Variants in CACNB3 observed in about 807,000 individuals in gnomAD.
CACNB3 encodes voltage-dependent L-type calcium channel subunit beta-3.
A neutral mutation model predicts 63.7 loss-of-function variants in CACNB3; 36 were observed. The ratio of observed to expected loss-of-function variants is 0.57; its 90% CI spans 0.43 to 0.75. The LOEUF (loss-of-function observed/expected upper bound fraction) is 0.75. CACNB3 is among the 30% of genes least tolerant of loss of function. The pLI, the probability that CACNB3 is intolerant of heterozygous loss-of-function variation, is 0.00. For synonymous variants in CACNB3, 241 were observed against 250.6 expected (o/e 0.96, Z 0.36); for missense variants, 493 against 648.6 (o/e 0.76, Z 2.61).
In CACNB3 at chr12:48,820,008, C is replaced by T. The variant is rs78128982; in HGVS notation, c.45+1034C>T. On this transcript the variant is annotated intron_variant, in intron 1 of 12. Transcript: ENST00000301050. ...GAAGGGGCCCCAATAGGTTGGAGCACCCCTGGGTCGGAAAGAGGAGTTCAT... is the reference window on the plus strand; with the variant it reads ...GAAGGGGCCCCAATAGGTTGGAGCATCCCTGGGTCGGAAAGAGGAGTTCAT... 6.6e-3 allele frequency: 1,330 copies of T among 202,304 alleles called. 12 individuals carry two copies. Among genetic ancestry groups the T allele is most frequent in the Non-Finnish European group, 0.012 (1,115 of 96,564 alleles). The allele number at this position is 202,304 out of a possible 1,614,324, so 12.5% of individuals were successfully genotyped here. A position where few individuals can be genotyped will look rare whatever the true frequency, so the allele number is the denominator to read the frequency against.
chr12:48,814,916 T>G, upstream of CACNB3: 3 of 225,294 alleles, frequency 1.3e-5, no homozygotes, highest in Non-Finnish European at 1.7e-5. This position sits in a 1 kb window ranked among gnomAD's most constrained non-coding sequence, Gnocchi z 6.9. Flanking sequence ...GCCCTTCCCC[T>G]TCGCGGAGCT....
rs754741655 is a variant in CACNB3, at chr12:48,825,187, G to T, written c.517G>T (p.Val173Leu). 1 of 1,614,106 alleles carries T rather than the reference G, an allele frequency of 6.2e-7. No homozygotes were observed. Among genetic ancestry groups the T allele is most frequent in the South Asian group, 1.1e-5 (1 of 91,082 alleles). Residue 173 changes from valine to leucine, a missense_variant, in exon 7 of 13, where the codon GTG becomes TTG. Transcript: ENST00000301050. This position sits in a 1 kb window ranked among gnomAD's most constrained non-coding sequence, Gnocchi z 4.5. ...GGCGGAACATGTTCCCCCATATGAC[G>T]TGGTGCCCTCCATGCGGCCTGTGGT... ...KQAEHVPPYDVVPSMRPVVLV... is the reference protein window; with the variant it reads ...KQAEHVPPYDLVPSMRPVVLV...
chr12:48,825,173 T>C lies in CACNB3; in HGVS notation c.503T>C (p.Val168Ala). 1 of 1,614,020 alleles carries C rather than the reference T, an allele frequency of 6.2e-7. No homozygotes were observed. The highest frequency in any genetic ancestry group is 8.5e-7 in the Non-Finnish European group (1 of 1,179,986). Residue 168 changes from valine to alanine, a missense_variant, in exon 7 of 13, where the codon GTT becomes GCT. Val to Ala is a moderately conservative substitution (Grantham distance 64). Transcript: ENST00000301050. This position sits in a 1 kb window ranked among gnomAD's most constrained non-coding sequence, Gnocchi z 4.5. ...ATGTCCATTCTGCAGGCGGAACATGTTCCCCCATATGACGTGGTGCCCTCC... is the reference window on the plus strand; with the variant it reads ...ATGTCCATTCTGCAGGCGGAACATGCTCCCCCATATGACGTGGTGCCCTCC... ...AKQKQKQAEH[V>A]PPYDVVPSMR...
At chr12:48,819,695 C>T (rs1278080858) in intron 1 of CACNB3, 1 of 455,712 alleles carries the variant, frequency 2.2e-6, no homozygotes, top group Non-Finnish European at 4.4e-6. Context: ...CATGGAGGGC[C>T]TGGAGGTGAG....
chr12:48,824,178 G>A (rs1005338473), intron 3 of CACNB3, 80 bp from the exon 4 acceptor site: 61 of 1,164,766 alleles, frequency 5.2e-5, no homozygotes, highest in Non-Finnish European at 7.0e-5. Flanking sequence ...TGACTGCCTC[G>A]CTGGCTCCTT....
At position 48,824,250 on chromosome 12, in the gene CACNB3, G is replaced by T. The variant is rs1938000097; in HGVS notation, c.292-8G>T. ...CTCACCACCCCTTCCTGCTCCACCT[G>T]CCCCCAGAAGTACAGCAATGACTGG... On this transcript the variant is annotated splice_polypyrimidine_tract_variant and splice_region_variant and intron_variant, in intron 3 of 12. Coordinates refer to ENST00000301050, the MANE Select transcript of CACNB3 (RefSeq NM_000725.4). The T allele has an allele frequency of 6.2e-7, 1 of 1,607,586 alleles. No homozygotes were observed.
Position 48,827,110 on chromosome 12 carries a change from T to A in CACNB3, c.1127T>A (p.Ile376Asn). The A allele has an allele frequency of 6.2e-7, 1 of 1,612,480 alleles. No homozygotes were observed. The highest frequency in any genetic ancestry group is 8.5e-7 in the Non-Finnish European group (1 of 1,179,996). ...GPGLLGPPSA[I>N]PGLQNQQLLG... ...GGACTTCTGGGTCCTCCCAGTGCCA[T>A]CCCCGGACTTCAGGTAACCATTTCC... Residue 376 changes from isoleucine to asparagine, a missense_variant, in exon 12 of 13, where the codon ATC (isoleucine) becomes AAC (asparagine). Ile to Asn is a moderately radical substitution (Grantham distance 149). Coordinates refer to ENST00000301050, the MANE Select transcript of CACNB3 (RefSeq NM_000725.4).
chr12:48,816,720 T>C (rs551912876), upstream of CACNB3, among the ~76,000 whole-genome samples: 1 of 151,772 alleles, frequency 6.6e-6, no homozygotes, highest in Non-Finnish European at 1.5e-5. Flanking sequence ...TTACAAGGAG[T>C]GTGAGGAAGG....
rs1360869012 is a variant in CACNB3 at position 48,828,246 on chromosome 12, G to C, written c.*347G>C. The C allele has an allele frequency of 2.7e-6, 1 of 375,862 alleles. No homozygotes were observed. The highest frequency in any genetic ancestry group is 2.0e-5 in the African/African-American group (1 of 48,958). 23.3% of individuals were successfully genotyped at this position (375,862 alleles called of 1,614,324 possible). On this transcript the variant is annotated 3_prime_UTR_variant, in exon 13 of 13. Coordinates refer to ENST00000301050, the MANE Select transcript of CACNB3 (RefSeq NM_000725.4). ...GGTCCTTCCCACCAGACTCAGGGAA[G>C]GGATGCCCCATTAAAGTGACAAAAG...
At chr12:48,817,398 TC>T (rs2137434905), upstream of CACNB3, 1 of 152,272 alleles carries the variant, frequency 6.6e-6, no homozygotes, top group East Asian at 1.9e-4. Context: ...ATTGCTGAAC[TC>T]CCGGGTGTGA....
In CACNB3 at chr12:48,826,475, C is replaced by T. The variant is rs1431691631; in HGVS notation, c.851C>T (p.Ser284Leu). The T allele has an allele frequency of 6.8e-6, 11 of 1,614,024 alleles. No individual in the cohort carries two copies. Among genetic ancestry groups the T allele is most frequent in the Admixed American group, 5.0e-5 (3 of 60,000 alleles). ...CACCCAGCACAGCTGGCCAAGACCT[C>T]GCTGGCCCCCATCATCGTCTTTGTC... ...INHPAQLAKT[S>L]LAPIIVFVKV... is the part of the protein sequence containing the mutation. The change falls in exon 10 of 13, where the codon TCG (serine) becomes TTG (leucine). Residue 284 changes from serine (S) to leucine (L), a missense_variant. By Grantham distance (145) the Ser-to-Leu change is moderately radical. Coordinates refer to ENST00000301050, the MANE Select transcript of CACNB3 (RefSeq NM_000725.4). This position sits in a 1 kb window ranked among gnomAD's most constrained non-coding sequence, Gnocchi z 4.8.
intron 12 of CACNB3, 73 bp from the exon 13 acceptor site, chr12:48,827,512 A>C: frequency 7.5e-7 from 1 of 1,340,752 alleles, no homozygotes; most frequent in Non-Finnish European, 1.0e-6. Context: ...TGAGGGGGGA[A>C]GAATCTCGCA....
rs373467806 is a variant in CACNB3, at chr12:48,825,004, T to C, written c.492+36T>C. 1,220 of 1,595,328 alleles carry C rather than the reference T, an allele frequency of 7.6e-4. No homozygotes were observed. Among genetic ancestry groups the C allele is most frequent in the Non-Finnish European group, 1.0e-3 (1,181 of 1,174,018 alleles). On this transcript the variant is annotated intron_variant, in intron 6 of 12. Coordinates refer to ENST00000301050, the MANE Select transcript of CACNB3 (RefSeq NM_000725.4). This position sits in a 1 kb window ranked among gnomAD's most constrained non-coding sequence, Gnocchi z 4.5. ...GAAGGGACCTGGGCTGGGGGGATCA[T>C]GGCTTATGGCTCTGGGGACAGTGTT...
chr12:48,826,335 C>T lies in CACNB3; in HGVS notation c.743-32C>T. On this transcript the variant is annotated intron_variant, in intron 9 of 12. Coordinates refer to ENST00000301050, the MANE Select transcript of CACNB3 (RefSeq NM_000725.4). The surrounding 1 kb of genome is among the most constrained non-coding windows in gnomAD (Gnocchi z 4.8). Reference sequence around the variant, plus strand: ...CTGGAGTGAGCAGTGGGCAGAGCTCCTGGTGAGCACTGCTGCTGCCTCCCT... The same window carrying T: ...CTGGAGTGAGCAGTGGGCAGAGCTCTTGGTGAGCACTGCTGCTGCCTCCCT... 1 of 1,612,124 alleles carries T rather than the reference C, an allele frequency of 6.2e-7. No individual in the cohort carries two copies.
At chr12:48,815,713 CT>C, upstream of CACNB3, 1 of 1,478,142 alleles carries the variant, frequency 6.8e-7, no homozygotes, top group Non-Finnish European at 9.1e-7. Context: ...CCAGTGCAAC[CT>C]TCCTGCTGAA....
In CACNB3 at chr12:48,823,500, C is replaced by T. The variant is rs1360908379; in HGVS notation, c.168+34C>T. ...TCTGGGCATGGGGCAAGACAGGAGGCCAAGCTAGGTGGAAACCTGCACTCG... is the reference window on the plus strand; with the variant it reads ...TCTGGGCATGGGGCAAGACAGGAGGTCAAGCTAGGTGGAAACCTGCACTCG... On this transcript the variant is annotated intron_variant, in intron 2 of 12. Coordinates refer to ENST00000301050, the MANE Select transcript of CACNB3 (RefSeq NM_000725.4). This position sits in a 1 kb window ranked among gnomAD's most constrained non-coding sequence, Gnocchi z 4.2. 6.2e-7 allele frequency: 1 copy of T among 1,608,776 alleles called. No individual in the cohort carries two copies. Among genetic ancestry groups the T allele is most frequent in the Admixed American group, 1.7e-5 (1 of 59,436 alleles).
At chr12:48,815,325 G>T (rs1440529816), upstream of CACNB3, 14 of 334,142 alleles carry the variant, frequency 4.2e-5, no homozygotes, top group Non-Finnish European at 8.0e-5. Context: ...GAAGCAGAGC[G>T]GCAGGGGAAG....
At position 48,826,130 on chromosome 12, in the gene CACNB3, CT is replaced by C. The variant is rs2137464251; in HGVS notation, c.743-236del. 5.2e-6 allele frequency: 3 copies of C among 581,646 alleles called. No homozygotes were observed. The highest frequency in any genetic ancestry group is 1.9e-5 in the African/African-American group (1 of 53,668). 36.0% of individuals were successfully genotyped at this position (581,646 alleles called of 1,614,324 possible). A position where few individuals can be genotyped will look rare whatever the true frequency, so the allele number is the denominator to read the frequency against. On this transcript the variant is annotated intron_variant, in intron 9 of 12. Transcript: ENST00000301050. This position sits in a 1 kb window ranked among gnomAD's most constrained non-coding sequence, Gnocchi z 4.8. ...AGGCATGAGCCACCATGCCTGGCCC[CT>C]CTTCCCTTTTCTCTTCCTTACCTCC...
upstream of CACNB3, chr12:48,814,686 G>C (rs1013487299): frequency 2.1e-6 from 2 of 951,736 alleles, no homozygotes; most frequent in Non-Finnish European, 1.5e-6. This position sits in a 1 kb window ranked among gnomAD's most constrained non-coding sequence, Gnocchi z 6.9. Context: ...GGAGAAAGGA[G>C]GGGGAGAGGG....
Sources: gnomAD v4.1 joint callset for allele counts (sites outside exome capture counted in the v4.1 genomes callset) on GRCh38, gnomAD v4.1.1 for gene constraint, Gnocchi (gnomAD v3.1) non-coding constraint, MANE v1.5 for transcripts, NCBI Gene and HGNC (gene_info 2026-07-23, HGNC 2026-07-21) for gene names.